KRT75: variants seen among roughly 807,000 people sequenced by gnomAD.
KRT75 encodes keratin, type II cytoskeletal 75.
Under a neutral mutation model 48.8 loss-of-function variants are expected in KRT75, and 35 were observed. The observed-to-expected ratio is 0.72, with a 90% CI of 0.55 to 0.95. KRT75 has a LOEUF of 0.95. KRT75 is among the 40% of genes least tolerant of loss of function. The pLI is 0.00. For synonymous variants in KRT75, 301 were observed against 282.3 expected (o/e 1.07, Z -0.66); for missense variants, 776 against 709.9 (o/e 1.09, Z -1.06).
At chr12:52,432,093 T>C in intron 2 of KRT75, 27 bp from the exon 3 acceptor site, 1 of 1,613,340 alleles carries the variant, frequency 6.2e-7, no homozygotes, top group Non-Finnish European at 8.5e-7. Context: ...GGGGGTGTGC[T>C]GTTGAGCAAG....
At chr12:52,425,818 G>A (rs1565790831) in intron 8 of KRT75, among the ~76,000 whole-genome samples, 2 of 152,214 alleles carry the variant, frequency 1.3e-5, no homozygotes, top group African/African-American at 2.4e-5. Context: ...TTCAGCCTCC[G>A]GAACTGTGAG....
At chr12:52,430,420 A>G in intron 5 of KRT75, 121 bp downstream of exon 5, 2 of 1,051,742 alleles carry the variant, frequency 1.9e-6, no homozygotes, top group Non-Finnish European at 3.0e-6. Flanking sequence ...CATCAAAGAC[A>G]TGCCTGCTAA....
chr12:52,428,339 C>T lies in KRT75; in HGVS notation c.1299G>A (p.Glu433=), dbSNP rs757103627. 9.3e-6 allele frequency: 15 copies of T among 1,614,154 alleles called. No individual in the cohort carries two copies. The highest frequency in any genetic ancestry group is 3.3e-4 in the Middle Eastern group (2 of 6,062). ...GCTTGATGTTCATCAGCTCCTGGTA[C>T]TCACGCAGGAGCCGAGCCATGTCCT... ...AKQDMARLLR[E]YQELMNIKLA... Residue 433 remains glutamate (E), a synonymous_variant, in exon 7 of 9, where the codon GAG becomes GAA. Transcript: ENST00000252245.
intron 7 of KRT75, chr12:52,428,019 A>G: frequency 1.8e-6 from 1 of 570,548 alleles, no homozygotes. Context: ...GGTAGAATTC[A>G]GTTACTTAGA....
intron 3 of KRT75, 126 bp from the exon 4 acceptor site, chr12:52,431,764 T>C: frequency 4.8e-6 from 4 of 833,246 alleles, no homozygotes; most frequent in South Asian, 3.0e-5. Flanking sequence ...TCTGGGTGAT[T>C]TGGGGTTGGG....
chr12:52,433,063 C>T lies in KRT75; in HGVS notation c.688G>A (p.Asp230Asn). The T allele has an allele frequency of 6.2e-7, 1 of 1,614,026 alleles. No homozygotes were observed. Among genetic ancestry groups the T allele is most frequent in the Non-Finnish European group, 8.5e-7 (1 of 1,180,016 alleles). Residue 230 changes from aspartate to asparagine, a missense_variant, in exon 2 of 9, where the codon GAT becomes AAT. By Grantham distance (23) the Asp-to-Asn change is conservative. Transcript: ENST00000252245. ...CTGACTTTGAAATCTTCCACAACATCCTGCATGTTCCTCAGTTCAGCTTCA... is the reference window on the plus strand; with the variant it reads ...CTGACTTTGAAATCTTCCACAACATTCTGCATGTTCCTCAGTTCAGCTTCA... ...RLEAELRNMQ[D>N]VVEDFKVRYE... is the part of the protein sequence containing the mutation.
At position 52,424,676 on chromosome 12, in the gene KRT75, G is replaced by T. The variant is rs1555196735; in HGVS notation, c.1497C>A (p.Gly499=). Residue 499 remains glycine, a synonymous_variant, in exon 9 of 9, where the codon GGC becomes GGA. Transcript: ENST00000252245. The stretch of plus-strand genomic sequence containing the variant: ...CACTGGTGGTGAAGGAGTAGCCGCT[G>T]CCCCCACCGAGGCCCAGGTTTCCAC... The part of the protein sequence containing the change: ...IGGGNLGLGG[G]SGYSFTTSGG... 1.2e-6 allele frequency: 2 copies of T among 1,614,160 alleles called. No homozygotes were observed. The highest frequency in any genetic ancestry group is 3.3e-5 in the Admixed American group (2 of 60,036).
chr12:52,428,303 G>A lies in KRT75; in HGVS notation c.1335C>T (p.Asp445=), dbSNP rs765383681. 7 of 1,614,060 alleles carry A rather than the reference G, an allele frequency of 4.3e-6. No individual in the cohort carries two copies. In the South Asian group the frequency reaches 4.4e-5, roughly 10 times the overall value. Residue 445 remains aspartate, a synonymous_variant, in exon 7 of 9, where the codon GAC becomes GAT. Coordinates refer to ENST00000252245, the MANE Select transcript of KRT75 (RefSeq NM_004693.3). ...GCTTGCGGTAGGTGGCGATCTCCAC[G>A]TCCAGGGCCAGCTTGATGTTCATCA... ...QELMNIKLAL[D]VEIATYRKLL...
intron 8 of KRT75, among the ~76,000 whole-genome samples, chr12:52,425,035 T>G (rs908278093): frequency 2.6e-5 from 4 of 152,150 alleles, no homozygotes; most frequent in African/African-American, 4.8e-5. Context: ...TGCTTTCCCT[T>G]TGATCCTCCT....
chr12:52,424,481 G>T lies in KRT75; in HGVS notation c.*36C>A, dbSNP rs559800403. 2 of 1,572,234 alleles carry T rather than the reference G, an allele frequency of 1.3e-6. No individual in the cohort carries two copies. Among genetic ancestry groups the T allele is most frequent in the Admixed American group, 1.7e-5 (1 of 59,978 alleles). ...GGTGTCCAGGTGTGACTGCAAACAGGCCTCAAGGCAGGGTAGAGGGAGCCA... is the reference window on the plus strand; with the variant it reads ...GGTGTCCAGGTGTGACTGCAAACAGTCCTCAAGGCAGGGTAGAGGGAGCCA... On this transcript the variant is annotated 3_prime_UTR_variant, in exon 9 of 9. Coordinates refer to ENST00000252245, the MANE Select transcript of KRT75 (RefSeq NM_004693.3).
chr12:52,431,718 C>A, intron 3 of KRT75, 80 bp from the exon 4 acceptor site: 1 of 1,118,158 alleles, frequency 8.9e-7, no homozygotes. Context: ...AGATTTCTCC[C>A]CAGCCCATCT....
chr12:52,433,730 C>T, intron 1 of KRT75, 77 bp downstream of exon 1: 1 of 1,602,802 alleles, frequency 6.2e-7, no homozygotes, highest in South Asian at 1.1e-5. Context: ...TGCATTATTG[C>T]TCTCCCCCCA....
chr12:52,424,267 T>C lies in KRT75; in HGVS notation c.*250A>G. 1 of 574,448 alleles carries C rather than the reference T, an allele frequency of 1.7e-6. No homozygotes were observed. The highest frequency in any genetic ancestry group is 3.1e-6 in the Non-Finnish European group (1 of 317,786). The allele number at this position is 574,448 out of a possible 1,614,324, so 35.6% of individuals were successfully genotyped here. A position where few individuals can be genotyped will look rare whatever the true frequency, so the allele number is the denominator to read the frequency against. On this transcript the variant is annotated 3_prime_UTR_variant, in exon 9 of 9. Transcript: ENST00000252245. ...TTCCAGCTGCCCGGGCCTCGCAAGA[T>C]AGGCTGAATGAGAGCCTTAGGAGAG...
At chr12:52,431,847 C>CA in intron 3 of KRT75, among the ~76,000 whole-genome samples, 159 bp downstream of exon 3, 1 of 152,158 alleles carries the variant, frequency 6.6e-6, no homozygotes, top group East Asian at 1.9e-4. Context: ...CTAATGGGGC[C>CA]ATCAACGTAG....
chr12:52,430,920 C>T (rs920891109), intron 4 of KRT75, among the ~76,000 whole-genome samples: 4 of 152,206 alleles, frequency 2.6e-5, no homozygotes, highest in Non-Finnish European at 2.9e-5. Context: ...GTGCTTTCCC[C>T]AGGCATGAGG....
At chr12:52,433,372 G>C in intron 1 of KRT75, 120 bp from the exon 2 acceptor site, 1 of 916,638 alleles carries the variant, frequency 1.1e-6, no homozygotes, top group Non-Finnish European at 1.7e-6. Flanking sequence ...TGACAATAAT[G>C]TAACTGACAA....
intron 7 of KRT75, among the ~76,000 whole-genome samples, chr12:52,427,977 C>T (rs971812396): frequency 8.5e-5 from 13 of 152,224 alleles, no homozygotes; most frequent in Non-Finnish European, 4.4e-5. Context: ...GACCACATTT[C>T]GAGAGCTGCC....
Position 52,429,873 on chromosome 12 carries a change from G to A in KRT75, c.1035+668C>T, listed in dbSNP as rs185520657. Among the ~76,000 whole-genome samples the A allele has an allele frequency of 2.5e-3, 383 of 152,270 alleles. 3 individuals are homozygous for A. The highest frequency in any genetic ancestry group is 8.6e-3 in the African/African-American group (359 of 41,556). The stretch of plus-strand genomic sequence containing the variant: ...TGGTATCATGGGTCAATTGTACCCC[G>A]CAAAGCCAAACTTCTTTGCGGCTGT... On this transcript the variant is annotated intron_variant, in intron 5 of 8. Coordinates refer to ENST00000252245, the MANE Select transcript of KRT75 (RefSeq NM_004693.3).
chr12:52,431,719 C>A, intron 3 of KRT75, 81 bp from the exon 4 acceptor site: 1 of 1,116,824 alleles, frequency 9.0e-7, no homozygotes, highest in Admixed American at 1.7e-5. Context: ...GATTTCTCCC[C>A]AGCCCATCTA....
Sources: allele counts gnomAD v4.1 joint callset (sites outside exome capture counted in the v4.1 genomes callset), GRCh38; gene constraint gnomAD v4.1.1; transcripts MANE v1.5; gene names NCBI Gene and HGNC (gene_info 2026-07-23, HGNC 2026-07-21).